C9orf43: variants seen among roughly 807,000 people sequenced by gnomAD.
C9orf43 encodes uncharacterized protein C9orf43.
Under a neutral mutation model 59.1 loss-of-function variants are expected in C9orf43, and 45 were observed. The observed-to-expected ratio is 0.76, with a 90% CI of 0.60 to 0.98. C9orf43 has a LOEUF of 0.98. Ranked by LOEUF, C9orf43 falls within the 50% of genes least tolerant of loss-of-function variation. The probability of loss-of-function intolerance (pLI) is 0.00; values close to 1 mark genes in which losing one functional copy is unlikely to be tolerated. For missense variants in C9orf43, 533 were observed against 554.9 expected (o/e 0.96, Z 0.40); for synonymous variants, 203 against 196.8 (o/e 1.03, Z -0.26).
chr9:113,420,980 T>C (rs1408060609), intron 4 of C9orf43, 123 bp from the exon 5 acceptor site: 11 of 874,146 alleles, frequency 1.3e-5, no homozygotes, highest in Admixed American at 2.6e-5. Flanking sequence ...TATGAAGATA[T>C]CTTGAAGATG....
At chr9:113,411,907 G>A (rs1828177333) in intron 1 of C9orf43, among the ~76,000 whole-genome samples, 3 of 151,964 alleles carry the variant, frequency 2.0e-5, no homozygotes, top group African/African-American at 7.2e-5. Flanking sequence ...CGAACTCCAG[G>A]GCTCAAGTGA....
rs146324389 is a variant in C9orf43 at position 113,419,143 on chromosome 9, A to G, written c.323A>G (p.Asn108Ser). The G allele has an allele frequency of 1.4e-4, 218 of 1,610,050 alleles. No individual in the cohort carries two copies. In the African/African-American group the frequency reaches 1.6e-3, roughly 12 times the overall value. Residue 108 changes from asparagine (N) to serine (S), a missense_variant, in exon 4 of 14, where the codon AAC becomes AGC. Physicochemically the swap from Asn to Ser is conservative, Grantham distance 46. Coordinates refer to ENST00000374165, the MANE Select transcript of C9orf43 (RefSeq NM_001278629.2). ...GGTTTACCTGACAAAAGTTTGATCA[A>G]CTGTACTAACAGACTTCCCAAAGTA... ...PKGLPDKSLINCTNRLPKFPV... is the reference protein window; with the variant it reads ...PKGLPDKSLISCTNRLPKFPV...
intron 11 of C9orf43, 102 bp downstream of exon 11, chr9:113,425,832 C>CT (rs1297384041): frequency 2.2e-6 from 2 of 891,418 alleles, no homozygotes; most frequent in Admixed American, 3.7e-5. Flanking sequence ...TGAGACCTGC[C>CT]TTTGTCAGGC....
chr9:113,428,959 A>G lies in C9orf43; in HGVS notation c.1167A>G (p.Val389=). The G allele has an allele frequency of 6.2e-7, 1 of 1,613,360 alleles. No homozygotes were observed. The highest frequency in any genetic ancestry group is 8.5e-7 in the Non-Finnish European group (1 of 1,179,242). ...YYDHADFHHS[V]KSPELYETEP... is the part of the protein sequence containing the mutation. ...ACCATGCGGATTTCCACCACAGTGT[A>G]AAAAGTAAGTTACTAGAGTAGAGGA... Residue 389 remains valine (V), a synonymous_variant, in exon 13 of 14, where the codon GTA becomes GTG. Transcript: ENST00000374165.
chr9:113,423,484 G>A lies in C9orf43; in HGVS notation c.642G>A (p.Gln214=). ...GGGCTCAATCCGAAGCGTTACCTCA[G>A]GATCTACTGAAGGAGTAAGTATCAT... ...PLWAQSEALP[Q]DLLKELLPGG... is the part of the protein sequence containing the mutation. Residue 214 remains glutamine, a synonymous_variant, in exon 7 of 14, where the codon CAG becomes CAA. Transcript: ENST00000374165. The A allele has an allele frequency of 6.2e-7, 1 of 1,613,498 alleles. No individual in the cohort carries two copies. Among genetic ancestry groups the A allele is most frequent in the Non-Finnish European group, 8.5e-7 (1 of 1,179,506 alleles).
chr9:113,429,420 C>A lies in C9orf43; in HGVS notation c.*34C>A. On this transcript the variant is annotated 3_prime_UTR_variant, in exon 14 of 14. Transcript: ENST00000374165. ...TGGAGGAATAGACTGAAGGCATCCC[C>A]TGGGGCAGCCGTGTTCCAAAGCGGG... The A allele has an allele frequency of 6.3e-7, 1 of 1,591,456 alleles. No homozygotes were observed. Among genetic ancestry groups the A allele is most frequent in the South Asian group, 1.1e-5 (1 of 90,198 alleles).
chr9:113,425,458 G>T lies in C9orf43; in HGVS notation c.942+38G>T, dbSNP rs752333438. On this transcript the variant is annotated intron_variant, in intron 10 of 13. Transcript: ENST00000374165. Reference sequence around the variant, plus strand: ...TGAGGGGCTTGCTGGGACTGGGAGAGGTCTACAGCCTGGAATGGGAAGGGA... The same window carrying T: ...TGAGGGGCTTGCTGGGACTGGGAGATGTCTACAGCCTGGAATGGGAAGGGA... The T allele has an allele frequency of 5.7e-6, 9 of 1,592,664 alleles. 1 individual carries two copies. In the Admixed American group the frequency reaches 1.6e-4, roughly 29 times the overall value.
intron 3 of C9orf43, among the ~76,000 whole-genome samples, chr9:113,414,190 A>C (rs1363144547): frequency 1.3e-5 from 2 of 152,218 alleles, no homozygotes; most frequent in Non-Finnish European, 2.9e-5. Context: ...CTAGAAGTCC[A>C]ATATCAAGGT....
At chr9:113,427,750 G>A (rs970659756) in intron 11 of C9orf43, among the ~76,000 whole-genome samples, 15 of 152,206 alleles carry the variant, frequency 9.9e-5, no homozygotes, top group African/African-American at 3.6e-4. Context: ...GGGACTAGTT[G>A]GGGAAGCAGC....
chr9:113,424,139 T>C (rs1341052274), intron 7 of C9orf43, 27 bp from the exon 8 acceptor site: 1 of 1,562,958 alleles, frequency 6.4e-7, no homozygotes, highest in East Asian at 2.3e-5. Flanking sequence ...TGTTGCTGAC[T>C]GTCTGGCTGT....
In C9orf43 at chr9:113,420,753, T is replaced by A. The variant is rs1588107776; in HGVS notation, c.346-350T>A. 4 of 985,226 alleles carry A rather than the reference T, an allele frequency of 4.1e-6. No individual in the cohort carries two copies. In the East Asian group the frequency reaches 4.5e-4, roughly 112 times the overall value. 61.0% of individuals were successfully genotyped at this position (985,226 alleles called of 1,614,324 possible). On this transcript the variant is annotated intron_variant, in intron 4 of 13. Coordinates refer to ENST00000374165, the MANE Select transcript of C9orf43 (RefSeq NM_001278629.2). Reference sequence around the variant, plus strand: ...TGCTCCCAAACTGCAGATTGTAATGTCTGTGGGATCTAAGTCTTTGGAGTG... The same window carrying A: ...TGCTCCCAAACTGCAGATTGTAATGACTGTGGGATCTAAGTCTTTGGAGTG...
At chr9:113,411,129 G>T (rs1442977467) in intron 1 of C9orf43, 128 bp downstream of exon 1, 22 of 985,212 alleles carry the variant, frequency 2.2e-5, no homozygotes, top group Non-Finnish European at 2.5e-5. Context: ...AGTCAATTCG[G>T]ACTGGGCAGG....
chr9:113,428,839 A>G, intron 12 of C9orf43, 61 bp from the exon 13 acceptor site: 1 of 1,444,282 alleles, frequency 6.9e-7, no homozygotes, highest in East Asian at 2.3e-5. Flanking sequence ...ATCTTTTAGA[A>G]AAATCCTTTT....
intron 5 of C9orf43, among the ~76,000 whole-genome samples, chr9:113,422,291 C>T (rs1288771995): frequency 6.6e-6 from 1 of 152,092 alleles, no homozygotes. Context: ...ACCGGATTGC[C>T]TGAGAGAATA....
intron 1 of C9orf43, 53 bp from the exon 2 acceptor site, chr9:113,413,392 A>G: frequency 6.9e-7 from 1 of 1,443,810 alleles, no homozygotes; most frequent in Non-Finnish European, 9.2e-7. Context: ...TAACATCTGG[A>G]CTGTATGGCT....
intron 3 of C9orf43, among the ~76,000 whole-genome samples, chr9:113,417,538 A>G (rs1400828899): frequency 6.6e-6 from 1 of 152,228 alleles, no homozygotes; most frequent in Non-Finnish European, 1.5e-5. Context: ...AGTCCGTATG[A>G]TGAGTGTCAT....
rs1828768715 is a variant in C9orf43 at position 113,425,741 on chromosome 9, TA to T, written c.1030+12del. On this transcript the variant is annotated intron_variant, in intron 11 of 13. Coordinates refer to ENST00000374165, the MANE Select transcript of C9orf43 (RefSeq NM_001278629.2). ...ATGACCGTCTCTATGGTAAGGGGAA[TA>T]TATGCTTGGTTGGGGGTGATAGGAT... The T allele has an allele frequency of 6.2e-7, 1 of 1,605,430 alleles. No homozygotes were observed. The highest frequency in any genetic ancestry group is 2.2e-5 in the East Asian group (1 of 44,814).
intron 3 of C9orf43, 27 bp from the exon 4 acceptor site, chr9:113,419,081 G>T: frequency 1.3e-6 from 2 of 1,587,714 alleles, no homozygotes; most frequent in Non-Finnish European, 1.7e-6. Context: ...TTGTATTTCT[G>T]TTTTATGTGT....
chr9:113,421,890 T>C (rs1828588401), intron 5 of C9orf43, among the ~76,000 whole-genome samples: 1 of 152,194 alleles, frequency 6.6e-6, no homozygotes, highest in Non-Finnish European at 1.5e-5. Flanking sequence ...TAAGGGTTTA[T>C]TTCCTTTCGT....
Sources: allele counts gnomAD v4.1 joint callset (sites outside exome capture counted in the v4.1 genomes callset), GRCh38; gene constraint gnomAD v4.1.1; transcripts MANE v1.5; gene names NCBI Gene and HGNC (gene_info 2026-07-23, HGNC 2026-07-21).